IRAG1: variants seen among roughly 807,000 people sequenced by gnomAD.
IRAG1 encodes inositol 1,4,5-triphosphate receptor associated 1.
IRAG1 carries 62 observed loss-of-function variants against 106.2 expected under a neutral mutation model. That is an observed-to-expected ratio of 0.58 (90% CI 0.48 to 0.72). The LOEUF is 0.72. IRAG1 is among the 30% of genes least tolerant of loss of function. The probability of loss-of-function intolerance (pLI) is 0.00; values close to 1 mark genes in which losing one functional copy is unlikely to be tolerated. For missense variants in IRAG1, 1,064 were observed against 1,140.7 expected, an observed-to-expected ratio of 0.93 and a Z score of 0.97; for synonymous variants, 462 against 443.9, an observed-to-expected ratio of 1.04 and a Z score of -0.51.
At chr11:10,617,056 G>A (rs1388300112) in intron 10 of IRAG1, 1 of 985,100 alleles carries the variant, frequency 1.0e-6, no homozygotes, top group East Asian at 1.1e-4. Context: ...TCTTCTCAGG[G>A]AGGCCTCTTT....
intron 1 of IRAG1, among the ~76,000 whole-genome samples, chr11:10,681,715 C>T (rs747822697): frequency 9.2e-5 from 14 of 152,172 alleles, no homozygotes; most frequent in Admixed American, 2.0e-4. Context: ...ACTGCTTATA[C>T]GGTCTCTTCA....
At chr11:10,693,384 C>A (rs755584573) in intron 1 of IRAG1, 152 bp downstream of exon 1, 2 of 1,375,502 alleles carry the variant, frequency 1.5e-6, no homozygotes, top group Non-Finnish European at 1.9e-6. Flanking sequence ...AATAAAGATA[C>A]TCAGCTGAAA....
At chr11:10,592,356 G>A (rs1287253867) in intron 17 of IRAG1, among the ~76,000 whole-genome samples, 5 of 152,202 alleles carry the variant, frequency 3.3e-5, no homozygotes, top group Admixed American at 3.3e-4. Context: ...CAAAGTATGG[G>A]AAATAGATCT....
At chr11:10,621,200 A>C (rs1456004690) in intron 10 of IRAG1, among the ~76,000 whole-genome samples, 1 of 152,218 alleles carries the variant, frequency 6.6e-6, no homozygotes, top group East Asian at 1.9e-4. Context: ...AAAGATGGTT[A>C]TTTAAAATAT....
chr11:10,652,249 C>CCGGAGCCACAAG (rs1204718228), intron 1 of IRAG1, 67 bp from the exon 2 acceptor site: 1 of 1,588,770 alleles, frequency 6.3e-7, no homozygotes, highest in South Asian at 1.1e-5. Context: ...GTTCCATTTC[C>CCGGAGCCACAAG]CGGAGCCACA....
chr11:10,579,162 T>C (rs1184016672), intron 20 of IRAG1, among the ~76,000 whole-genome samples: 1 of 152,178 alleles, frequency 6.6e-6, no homozygotes, highest in Non-Finnish European at 1.5e-5. Flanking sequence ...ATTTCTCCAG[T>C]TCTCCTAACG....
Position 10,629,626 on chromosome 11 carries a change from C to A in IRAG1, c.486G>T (p.Ala162=), listed in dbSNP as rs753874354. ...ISEEDKKKNL[A]LLEEAKLVSE... ...TCACCAACTTGGCTTCTTCCAGCAG[C>A]GCCAGGTTTTTCTTCTTGTCCTCCT... Residue 162 remains alanine, a synonymous_variant, in exon 5 of 21, where the codon GCG becomes GCT. Transcript: ENST00000423302. The A allele has an allele frequency of 6.2e-7, 1 of 1,613,994 alleles. No homozygotes were observed.
chr11:10,603,196 A>G lies in IRAG1; in HGVS notation c.1799T>C (p.Leu600Pro). Reference sequence around the variant, plus strand: ...GCGGTGCAGGACAGCGATGTCCTCCAGCAACTTCTGGTAGGTTTCCCGGTG... The same window carrying G: ...GCGGTGCAGGACAGCGATGTCCTCCGGCAACTTCTGGTAGGTTTCCCGGTG... ...CEHRETYQKL[L>P]EDIAVLHRLA... The change falls in exon 14 of 21, where the codon CTG (leucine) becomes CCG (proline). Residue 600 changes from leucine to proline, a missense_variant. Coordinates refer to ENST00000423302, the MANE Select transcript of IRAG1 (RefSeq NM_130385.4). 6.2e-7 allele frequency: 1 copy of G among 1,613,276 alleles called. No individual in the cohort carries two copies. Among genetic ancestry groups the G allele is most frequent in the Non-Finnish European group, 8.5e-7 (1 of 1,179,696 alleles).
rs778359652 is a variant in IRAG1, at chr11:10,594,100, T to A, written c.2067+46A>T. 33 of 1,541,056 alleles carry A rather than the reference T, an allele frequency of 2.1e-5. 1 individual carries two copies. The highest frequency in any genetic ancestry group is 3.3e-4 in the Middle Eastern group (2 of 5,976). On this transcript the variant is annotated intron_variant, in intron 16 of 20. Transcript: ENST00000423302. ...TTGTTTGGGTGACCATGGAAACTTCTGTCATACTCCTTCCAGGAGCCCTGG... is the reference window on the plus strand; with the variant it reads ...TTGTTTGGGTGACCATGGAAACTTCAGTCATACTCCTTCCAGGAGCCCTGG...
intron 1 of IRAG1, among the ~76,000 whole-genome samples, chr11:10,664,376 C>T (rs1250996960): frequency 6.6e-6 from 1 of 152,182 alleles, no homozygotes; most frequent in East Asian, 1.9e-4. Flanking sequence ...GGCTGCTGGG[C>T]AAAGTCTGGT....
chr11:10,693,746 G>T lies in IRAG1; in HGVS notation c.-144C>A. ...GAGCCCCACTCCGGCCTGGCTCGGG[G>T]GATAATGGCAGGGAAAGCCGACCAG... On this transcript the variant is annotated 5_prime_UTR_variant, in exon 1 of 21. Transcript: ENST00000423302. The T allele has an allele frequency of 1.0e-6, 1 of 978,700 alleles. No homozygotes were observed. The highest frequency in any genetic ancestry group is 1.5e-6 in the Non-Finnish European group (1 of 673,722). The allele number at this position is 978,700 out of a possible 1,614,324, so 60.6% of individuals were successfully genotyped here.
chr11:10,576,722 ATTG>A, intron 20 of IRAG1, 147 bp from the exon 21 acceptor site: 1 of 950,586 alleles, frequency 1.1e-6, no homozygotes, highest in Non-Finnish European at 1.6e-6. Flanking sequence ...GTTGGCAGCA[ATTG>A]TTCAAAATAC....
At chr11:10,583,383 G>A (rs1380953106) in intron 18 of IRAG1, among the ~76,000 whole-genome samples, 2 of 152,198 alleles carry the variant, frequency 1.3e-5, no homozygotes, top group Non-Finnish European at 1.5e-5. Flanking sequence ...AGGAGCAGGT[G>A]GAGTCTTGGG....
At position 10,582,731 on chromosome 11, in the gene IRAG1, G is replaced by A. The variant is rs533539096; in HGVS notation, c.2241-745C>T. On this transcript the variant is annotated intron_variant, in intron 18 of 20. Transcript: ENST00000423302. ...AGCACTTTGGGAGGCCAAGGCGGGC[G>A]GATCACCTGAGATCAGGAGTTCGAG... 3.2e-4 allele frequency among the ~76,000 whole-genome samples: 49 copies of A among 152,202 alleles called. 1 individual carries two copies. In the South Asian group the frequency reaches 8.9e-3, roughly 28 times the overall value.
chr11:10,614,596 A>C (rs1200283445), intron 10 of IRAG1, among the ~76,000 whole-genome samples: 1 of 152,230 alleles, frequency 6.6e-6, no homozygotes, highest in Non-Finnish European at 1.5e-5. Context: ...AAACAGAGAT[A>C]TAGACCAATG....
At chr11:10,593,735 G>C (rs1852942681) in intron 16 of IRAG1, 136 bp from the exon 17 acceptor site, 1 of 691,256 alleles carries the variant, frequency 1.4e-6, no homozygotes, top group Non-Finnish European at 2.4e-6. Flanking sequence ...CAGTAGCAAT[G>C]ATAGAATTGG....
Position 10,574,846 on chromosome 11 carries a change from G to C in IRAG1, c.*1486C>G, listed in dbSNP as rs1465298202. ...CAGCCTACCCTGGGGTTGAGCTCCA[G>C]CCCCATGATTTACTACCGGGGTGTC... On this transcript the variant is annotated 3_prime_UTR_variant, in exon 21 of 21. Transcript: ENST00000423302. The C allele has an allele frequency of 6.6e-6, 1 of 152,180 alleles. No individual in the cohort carries two copies. The highest frequency in any genetic ancestry group is 1.5e-5 in the Non-Finnish European group (1 of 68,034). 9.4% of individuals were successfully genotyped at this position (152,180 alleles called of 1,614,324 possible).
intron 10 of IRAG1, among the ~76,000 whole-genome samples, chr11:10,612,163 G>T (rs573438263): frequency 6.6e-6 from 1 of 152,180 alleles, no homozygotes; most frequent in South Asian, 2.1e-4. Context: ...TGGATTTGCC[G>T]TTTTTTCCTT....
At position 10,573,627 on chromosome 11, in the gene IRAG1, G is replaced by A. The variant is rs1850690697; in HGVS notation, c.*2705C>T. 6.6e-6 allele frequency: 1 copy of A among 152,290 alleles called. No individual in the cohort carries two copies. The highest frequency in any genetic ancestry group is 1.5e-5 in the Non-Finnish European group (1 of 68,116). The allele number at this position is 152,290 out of a possible 1,614,324, so 9.4% of individuals were successfully genotyped here. Reference sequence around the variant, plus strand: ...CTTGCTTACAAATGGAATAGGGTGGGAGAGGGCCTGTGCCTGGAAGTACTC... The same window carrying A: ...CTTGCTTACAAATGGAATAGGGTGGAAGAGGGCCTGTGCCTGGAAGTACTC... On this transcript the variant is annotated 3_prime_UTR_variant, in exon 21 of 21. Coordinates refer to ENST00000423302, the MANE Select transcript of IRAG1 (RefSeq NM_130385.4).
Sources: gnomAD v4.1 joint callset for allele counts (sites outside exome capture counted in the v4.1 genomes callset) on GRCh38, gnomAD v4.1.1 for gene constraint, MANE v1.5 for transcripts, NCBI Gene and HGNC (gene_info 2026-07-23, HGNC 2026-07-21) for gene names.